Variants in SETD3 observed in about 807,000 individuals in gnomAD.
The protein encoded by SETD3 is actin-histidine N-methyltransferase.
A neutral mutation model predicts 63.0 loss-of-function variants in SETD3; 19 were observed. That is an observed-to-expected ratio of 0.30 (90% CI 0.21 to 0.44). The LOEUF (loss-of-function observed/expected upper bound fraction) is 0.44. Ranked by LOEUF, SETD3 falls within the 20% of genes least tolerant of loss-of-function variation. The pLI is 1.00. For synonymous variants in SETD3, 286 were observed against 264.1 expected, an observed-to-expected ratio of 1.08 and a Z score of -0.80; for missense variants, 587 against 728.5, an observed-to-expected ratio of 0.81 and a Z score of 2.24.
chr14:99,430,695 A>G (rs1461085263), intron 6 of SETD3, among the ~76,000 whole-genome samples: 1 of 152,138 alleles, frequency 6.6e-6, no homozygotes, highest in East Asian at 1.9e-4. Flanking sequence ...GAGGGAGAGG[A>G]AGCAGGTGAT....
At position 99,459,103 on chromosome 14, in the gene SETD3, T is replaced by C. The variant is rs761095736; in HGVS notation, c.418+10A>G. On this transcript the variant is annotated intron_variant, in intron 5 of 12. Coordinates refer to ENST00000331768, the MANE Select transcript of SETD3 (RefSeq NM_032233.3). ...GTGCTTTGCCTTGAAGAGTCAGAAA[T>C]TATTCTCACCCAACACTGAATTTTT... 24 of 1,601,648 alleles carry C rather than the reference T, an allele frequency of 1.5e-5. No homozygotes were observed. The highest frequency in any genetic ancestry group is 2.0e-5 in the Non-Finnish European group (23 of 1,173,786).
rs371820374 is a variant in SETD3, at chr14:99,428,722, A to G, written c.676-14788T>C. Among the ~76,000 whole-genome samples the G allele has an allele frequency of 5.9e-5, 9 of 152,256 alleles. No homozygotes were observed. In the East Asian group the frequency reaches 9.7e-4, roughly 16 times the overall value. ...GGGAGGGGGTAGGTGAAGTTTGAGAATCTGATAAAATCTATGGGCCTGATG... is the reference window on the plus strand; with the variant it reads ...GGGAGGGGGTAGGTGAAGTTTGAGAGTCTGATAAAATCTATGGGCCTGATG... On this transcript the variant is annotated intron_variant, in intron 6 of 12. Coordinates refer to ENST00000331768, the MANE Select transcript of SETD3 (RefSeq NM_032233.3).
chr14:99,482,274 C>A (rs529396670), upstream of SETD3, among the ~76,000 whole-genome samples: 42 of 152,344 alleles, frequency 2.8e-4, no homozygotes, highest in Non-Finnish European at 5.9e-4. Context: ...GTTTGTGTAT[C>A]TCGATCTAAA....
chr14:99,428,479 T>C (rs1301138245), intron 6 of SETD3, among the ~76,000 whole-genome samples: 2 of 151,884 alleles, frequency 1.3e-5, no homozygotes, highest in Non-Finnish European at 2.9e-5. Context: ...ACTCCATCAC[T>C]ACCAAAAAAT....
intron 6 of SETD3, among the ~76,000 whole-genome samples, chr14:99,445,918 C>T (rs1163040617): frequency 6.6e-6 from 1 of 152,106 alleles, no homozygotes; most frequent in African/African-American, 2.4e-5. Context: ...TTTTAAACTT[C>T]TAGGGATTTT....
At chr14:99,485,493 G>A (rs1178551372), upstream of SETD3, among the ~76,000 whole-genome samples, 1 of 152,034 alleles carries the variant, frequency 6.6e-6, no homozygotes, top group African/African-American at 2.4e-5. Flanking sequence ...TCTTTCTAAG[G>A]TTAACTTTCT....
chr14:99,454,157 CA>C (rs1342790405), intron 6 of SETD3, among the ~76,000 whole-genome samples: 1 of 151,760 alleles, frequency 6.6e-6, no homozygotes, highest in Non-Finnish European at 1.5e-5. Flanking sequence ...AACACAAGTC[CA>C]AAAACCAACA....
intron 6 of SETD3, among the ~76,000 whole-genome samples, chr14:99,414,911 G>A (rs568301695): frequency 6.6e-6 from 1 of 152,320 alleles, no homozygotes; most frequent in East Asian, 1.9e-4. Flanking sequence ...GTTTTCACTC[G>A]TGACGCATTG....
chr14:99,466,000 A>C (rs1241733417), intron 1 of SETD3, among the ~76,000 whole-genome samples, 187 bp from the exon 2 acceptor site: 4 of 152,270 alleles, frequency 2.6e-5, no homozygotes, highest in Non-Finnish European at 5.9e-5. Flanking sequence ...TGGGAAAAAA[A>C]AAAATCTGCT....
intron 1 of SETD3, among the ~76,000 whole-genome samples, chr14:99,478,111 T>A (rs1449176315): frequency 2.0e-5 from 3 of 152,070 alleles, no homozygotes; most frequent in East Asian, 3.8e-4. Context: ...ATCAAAAGAT[T>A]TTTCACTGAT....
chr14:99,464,004 A>G (rs1446959262), intron 2 of SETD3, among the ~76,000 whole-genome samples: 1 of 152,246 alleles, frequency 6.6e-6, no homozygotes, highest in Non-Finnish European at 1.5e-5. Context: ...CTTTCTTTTT[A>G]GTTAAACCCC....
At chr14:99,400,286 T>G in intron 11 of SETD3, 27 bp from the exon 12 acceptor site, 1 of 1,602,876 alleles carries the variant, frequency 6.2e-7, no homozygotes, top group Non-Finnish European at 8.5e-7. Flanking sequence ...TGGCAATCTG[T>G]TAGGAGGAAA....
intron 2 of SETD3, 126 bp from the exon 3 acceptor site, chr14:99,463,704 A>G: frequency 1.4e-6 from 1 of 701,746 alleles, no homozygotes; most frequent in Non-Finnish European, 2.4e-6. Context: ...TAAAAGACAG[A>G]CATATGACAG....
intron 6 of SETD3, among the ~76,000 whole-genome samples, chr14:99,449,897 A>C (rs1566719158): frequency 6.6e-6 from 1 of 152,238 alleles, no homozygotes; most frequent in African/African-American, 2.4e-5. Context: ...AAAAAGTTAA[A>C]AAACAAACAA....
At chr14:99,465,895 C>T (rs1043920582) in intron 1 of SETD3, 82 bp from the exon 2 acceptor site, 1 of 845,128 alleles carries the variant, frequency 1.2e-6, no homozygotes, top group African/African-American at 1.7e-5. Context: ...CAACACATGG[C>T]AGTGTCTTAG....
At chr14:99,414,415 T>C (rs1295033181) in intron 6 of SETD3, among the ~76,000 whole-genome samples, 1 of 152,252 alleles carries the variant, frequency 6.6e-6, no homozygotes, top group Non-Finnish European at 1.5e-5. Flanking sequence ...AGCTCTTTCA[T>C]TTCTCTCCGA....
chr14:99,447,946 T>C (rs1051235559), intron 6 of SETD3, among the ~76,000 whole-genome samples: 4 of 152,192 alleles, frequency 2.6e-5, no homozygotes, highest in Non-Finnish European at 5.9e-5. Flanking sequence ...CAGTCCTCAG[T>C]CAGCAGGGCC....
At chr14:99,407,967 A>G (rs184034651) in intron 8 of SETD3, among the ~76,000 whole-genome samples, 260 of 152,324 alleles carry the variant, frequency 1.7e-3, no homozygotes, top group Non-Finnish European at 3.1e-3. Flanking sequence ...CCTCCTTCTC[A>G]GAGTCCTGTC....
At chr14:99,408,673 C>A (rs1298030440) in intron 8 of SETD3, among the ~76,000 whole-genome samples, 1 of 152,224 alleles carries the variant, frequency 6.6e-6, no homozygotes, top group Non-Finnish European at 1.5e-5. Flanking sequence ...CCACAGCAAC[C>A]CGGACAGGCA....
Sources: gnomAD v4.1 joint callset for allele counts (sites outside exome capture counted in the v4.1 genomes callset) on GRCh38, gnomAD v4.1.1 for gene constraint, MANE v1.5 for transcripts, NCBI Gene and HGNC (gene_info 2026-07-23, HGNC 2026-07-21) for gene names.